The following SETD2 variants were observed in gnomAD, a reference collection of about 807,000 sequenced individuals.
SETD2 encodes histone-lysine N-methyltransferase SETD2.
In SETD2, 31 loss-of-function variants were observed where a neutral mutation model predicts 242.1. That is an observed-to-expected ratio of 0.13 (90% CI 0.10 to 0.17). SETD2 has a LOEUF of 0.17. Ranked by LOEUF, SETD2 falls within the 10% of genes least tolerant of loss-of-function variation. The pLI is 1.00. For missense variants in SETD2, 2,481 were observed against 3,046.3 expected, an observed-to-expected ratio of 0.81 and a Z score of 4.37; for synonymous variants, 1,006 against 1,066.5, an observed-to-expected ratio of 0.94 and a Z score of 1.11.
intron 1 of SETD2, among the ~76,000 whole-genome samples, chr3:47,157,123 C>T (rs545960432): frequency 6.6e-6 from 1 of 152,122 alleles, no homozygotes; most frequent in Non-Finnish European, 1.5e-5. Context: ...ATTAGTTGGG[C>T]ATGGTGGCAT....
At chr3:47,059,428 T>G (rs1485439687) in intron 14 of SETD2, among the ~76,000 whole-genome samples, 2 of 143,034 alleles carry the variant, frequency 1.4e-5, no homozygotes, top group East Asian at 2.0e-4. Context: ...AAATTTTTTG[T>G]TTTTTTTTTG....
chr3:47,058,020 A>G (rs1354423760), intron 14 of SETD2, among the ~76,000 whole-genome samples: 1 of 152,184 alleles, frequency 6.6e-6, no homozygotes, highest in Non-Finnish European at 1.5e-5. Context: ...AAAGACATAT[A>G]CAAAGAGAGC....
chr3:47,118,557 C>T (rs1044084088), intron 3 of SETD2, among the ~76,000 whole-genome samples: 3 of 151,102 alleles, frequency 2.0e-5, no homozygotes, highest in Non-Finnish European at 4.4e-5. Flanking sequence ...CCCATCTCTA[C>T]TAAAAATACA....
chr3:47,098,018 G>A lies in SETD2; in HGVS notation c.5079C>T (p.Asn1693=). 3 of 1,613,950 alleles carry A rather than the reference G, an allele frequency of 1.9e-6. No homozygotes were observed. Among genetic ancestry groups the A allele is most frequent in the Non-Finnish European group, 2.5e-6 (3 of 1,179,902 alleles). ...CTCCTGCTGCTCTGATGCTGACTCT[G>A]TTTTCTCCTCCCAGGTAACCCCGGC... ...ANCRGYLGGE[N]RVSIRAAGGK... Residue 1693 remains asparagine, a synonymous_variant, in exon 9 of 21, where the codon AAC becomes AAT. Coordinates refer to ENST00000409792, the MANE Select transcript of SETD2 (RefSeq NM_014159.7).
intron 2 of SETD2, among the ~76,000 whole-genome samples, chr3:47,124,922 T>A (rs1243481899): frequency 6.6e-6 from 1 of 152,180 alleles, no homozygotes; most frequent in African/African-American, 2.4e-5. Context: ...ATATCTAACA[T>A]CTCAGTACTC....
At chr3:47,144,413 C>T (rs1331507466) in intron 1 of SETD2, among the ~76,000 whole-genome samples, 4 of 151,366 alleles carry the variant, frequency 2.6e-5, no homozygotes, top group East Asian at 2.0e-4. Flanking sequence ...CCGAGGCAGG[C>T]GAATCACGAG....
chr3:47,029,685 A>G (rs115414977), intron 18 of SETD2, among the ~76,000 whole-genome samples: 119 of 152,308 alleles, frequency 7.8e-4, no homozygotes, highest in Non-Finnish European at 1.2e-3. Flanking sequence ...AAGCTACAAT[A>G]AAGCTACAAA....
At position 47,057,049 on chromosome 3, in the gene SETD2, A is replaced by G; in HGVS notation, c.6735T>C (p.Asp2245=). The G allele has an allele frequency of 6.2e-7, 1 of 1,614,248 alleles. No homozygotes were observed. The highest frequency in any genetic ancestry group is 8.5e-7 in the Non-Finnish European group (1 of 1,180,042). Residue 2245 remains aspartate, a synonymous_variant, in exon 15 of 21, where the codon GAT becomes GAC. Coordinates refer to ENST00000409792, the MANE Select transcript of SETD2 (RefSeq NM_014159.7). ...VSSSQYVAQS[D]GVVHQDSSVA... ...CGCTGGAGTCTTGGTGTACTACACCATCACTCTGGGCCACATACTGGGAAC... is the reference window on the plus strand; with the variant it reads ...CGCTGGAGTCTTGGTGTACTACACCGTCACTCTGGGCCACATACTGGGAAC...
intron 4 of SETD2, among the ~76,000 whole-genome samples, chr3:47,115,542 A>C (rs1446522108): frequency 1.3e-5 from 2 of 152,242 alleles, no homozygotes; most frequent in Non-Finnish European, 2.9e-5. Flanking sequence ...TAACATGAGC[A>C]AAACCAAAAA....
intron 5 of SETD2, among the ~76,000 whole-genome samples, chr3:47,112,834 C>T (rs1559732933): frequency 6.6e-6 from 1 of 152,206 alleles, no homozygotes; most frequent in African/African-American, 2.4e-5. Context: ...AGGTGATCCA[C>T]TCACCTTGGC....
At chr3:47,157,806 G>C (rs2044160056) in intron 1 of SETD2, among the ~76,000 whole-genome samples, 1 of 151,464 alleles carries the variant, frequency 6.6e-6, no homozygotes, top group Non-Finnish European at 1.5e-5. Context: ...CCAGGGGGCA[G>C]AGGTTGTAGT....
intron 1 of SETD2, among the ~76,000 whole-genome samples, chr3:47,151,405 G>A (rs543028651): frequency 1.3e-5 from 2 of 151,916 alleles, no homozygotes; most frequent in East Asian, 1.9e-4. Context: ...TTAAGCAATC[G>A]GTACATTTCA....
At position 47,112,368 on chromosome 3, in the gene SETD2, G is replaced by A. The variant is rs1265267871; in HGVS notation, c.4715+1508C>T. Among the ~76,000 whole-genome samples, 8 of 151,088 alleles carry A rather than the reference G, an allele frequency of 5.3e-5. No homozygotes were observed. In the South Asian group the frequency reaches 1.3e-3, roughly 24 times the overall value. On this transcript the variant is annotated intron_variant, in intron 5 of 20. Transcript: ENST00000409792. ...GCAATCTCGGCTCACTGCAACCTTC[G>A]CTTCCCCGGTTCAAGAGATTCTCCT...
intron 1 of SETD2, among the ~76,000 whole-genome samples, chr3:47,148,081 C>G (rs1442662328): frequency 6.6e-6 from 1 of 150,496 alleles, no homozygotes; most frequent in Non-Finnish European, 1.5e-5. Context: ...TATAACATAA[C>G]CAACTGAAAC....
intron 1 of SETD2, among the ~76,000 whole-genome samples, chr3:47,130,560 G>T (rs1465425976): frequency 6.6e-6 from 1 of 152,104 alleles, no homozygotes; most frequent in Non-Finnish European, 1.5e-5. Context: ...TTTAACATAA[G>T]AACACTTGTT....
intron 19 of SETD2, among the ~76,000 whole-genome samples, chr3:47,018,457 T>G (rs1000200909): frequency 6.6e-6 from 1 of 152,154 alleles, no homozygotes; most frequent in Non-Finnish European, 1.5e-5. Flanking sequence ...GAACAAAGTC[T>G]ACCCATCACT....
chr3:47,103,542 C>G, intron 6 of SETD2, 119 bp from the exon 7 acceptor site: 2 of 762,396 alleles, frequency 2.6e-6, no homozygotes. Flanking sequence ...GCTGCGAAAC[C>G]TAACCAGTTA....
At chr3:47,140,816 T>C (rs2043710139) in intron 1 of SETD2, among the ~76,000 whole-genome samples, 1 of 152,142 alleles carries the variant, frequency 6.6e-6, no homozygotes, top group Admixed American at 6.5e-5. Context: ...TGAGCTGAGA[T>C]TGCGCCATTG....
intron 5 of SETD2, among the ~76,000 whole-genome samples, chr3:47,109,783 C>T (rs1358043974): frequency 6.6e-6 from 1 of 151,936 alleles, no homozygotes; most frequent in Non-Finnish European, 1.5e-5. Context: ...GTCAGGAGTT[C>T]GAGACCAGCT....
Sources: allele counts gnomAD v4.1 joint callset (sites outside exome capture counted in the v4.1 genomes callset), GRCh38; gene constraint gnomAD v4.1.1; transcripts MANE v1.5; gene names NCBI Gene and HGNC (gene_info 2026-07-23, HGNC 2026-07-21).